ATP8A2: variants seen among roughly 807,000 people sequenced by gnomAD.
ATP8A2 encodes the protein phospholipid-transporting ATPase IB.
In ATP8A2, 100 loss-of-function variants were observed where a neutral mutation model predicts 165.6. That is an observed-to-expected ratio of 0.60 (90% confidence interval 0.51 to 0.71). The LOEUF (loss-of-function observed/expected upper bound fraction) is 0.71, where lower values mean the gene tolerates loss of function less well. Ranked by LOEUF, ATP8A2 falls within the 30% of genes least tolerant of loss-of-function variation. The pLI, the probability that ATP8A2 is intolerant of heterozygous loss-of-function variation, is 0.00. For missense variants in ATP8A2, 1,227 were observed against 1,479.5 expected, an observed-to-expected ratio of 0.83 and a Z score of 2.80; for synonymous variants, 543 against 548.8, an observed-to-expected ratio of 0.99 and a Z score of 0.15.
intron 23 of ATP8A2, among the ~76,000 whole-genome samples, chr13:25,586,166 GT>G (rs1399996914): frequency 1.3e-5 from 2 of 152,134 alleles, no homozygotes; most frequent in Non-Finnish European, 2.9e-5. Flanking sequence ...CTTAGTCTAG[GT>G]CATACAGATG....
intron 25 of ATP8A2, among the ~76,000 whole-genome samples, chr13:25,758,082 C>T (rs1386253626): frequency 6.6e-6 from 1 of 152,184 alleles, no homozygotes; most frequent in Non-Finnish European, 1.5e-5. Context: ...TGTTAATTTA[C>T]TCTTTACTGA....
intron 2 of ATP8A2, among the ~76,000 whole-genome samples, chr13:25,474,758 A>C (rs1478364892): frequency 6.6e-6 from 1 of 151,898 alleles, no homozygotes; most frequent in Non-Finnish European, 1.5e-5. Flanking sequence ...TTATATAGGT[A>C]AACTCATGTC....
chr13:25,449,085 C>G (rs892304031), intron 1 of ATP8A2, among the ~76,000 whole-genome samples: 1 of 152,094 alleles, frequency 6.6e-6, no homozygotes, highest in Non-Finnish European at 1.5e-5. Flanking sequence ...TTCAAAGAAC[C>G]AATTCTGACT....
intron 1 of ATP8A2, among the ~76,000 whole-genome samples, chr13:25,414,222 G>A (rs536861634): frequency 6.5e-5 from 9 of 137,510 alleles, no homozygotes; most frequent in South Asian, 4.6e-4. Context: ...TCAGAGTCTC[G>A]CTCTGTCGCC....
At chr13:25,690,370 G>T (rs6491084) in intron 24 of ATP8A2, among the ~76,000 whole-genome samples, 47,331 of 151,368 alleles carry the variant, frequency 0.31, 7,825 homozygotes, top group South Asian at 0.47. Context: ...GAAAACGTGG[G>T]TTTTTAAGAA....
chr13:25,790,769 A>T (rs2419339), intron 27 of ATP8A2, among the ~76,000 whole-genome samples: 85,356 of 151,880 alleles, frequency 0.56, 24,313 homozygotes, highest in East Asian at 0.69. Flanking sequence ...GCCAACAAGC[A>T]TACAAAATAA....
chr13:25,758,079 T>G (rs960542058), intron 25 of ATP8A2, among the ~76,000 whole-genome samples: 2 of 152,182 alleles, frequency 1.3e-5, no homozygotes, highest in African/African-American at 4.8e-5. Flanking sequence ...TCATGTTAAT[T>G]TACTCTTTAC....
intron 30 of ATP8A2, among the ~76,000 whole-genome samples, chr13:25,852,698 C>T (rs9507588): frequency 0.13 from 20,239 of 151,986 alleles, 1,603 homozygotes; most frequent in Non-Finnish European, 0.18. Flanking sequence ...GTTTCTTGGC[C>T]GGGTGCAGTG....
chr13:25,936,573 T>C (rs1954897163), intron 33 of ATP8A2, among the ~76,000 whole-genome samples: 1 of 152,236 alleles, frequency 6.6e-6, no homozygotes, highest in Non-Finnish European at 1.5e-5. Context: ...CCCACAAGTT[T>C]TCATCTGACT....
chr13:25,631,495 T>C (rs2041240158), intron 24 of ATP8A2, among the ~76,000 whole-genome samples: 1 of 152,178 alleles, frequency 6.6e-6, no homozygotes, highest in Non-Finnish European at 1.5e-5. Flanking sequence ...TGAAGTCATG[T>C]AAACTTTATG....
At chr13:25,502,767 C>T (rs1383418619) in intron 2 of ATP8A2, among the ~76,000 whole-genome samples, 3 of 152,164 alleles carry the variant, frequency 2.0e-5, no homozygotes, top group Non-Finnish European at 2.9e-5. Flanking sequence ...GGCTGTTGTA[C>T]TTGGCACTGC....
At chr13:25,470,172 A>G (rs2035804019) in intron 2 of ATP8A2, among the ~76,000 whole-genome samples, 1 of 152,214 alleles carries the variant, frequency 6.6e-6, no homozygotes, top group Non-Finnish European at 1.5e-5. Flanking sequence ...AGGCAGTTGG[A>G]CATTATTGGG....
chr13:25,684,632 G>A (rs184332895), intron 24 of ATP8A2, among the ~76,000 whole-genome samples: 1 of 152,230 alleles, frequency 6.6e-6, no homozygotes, highest in African/African-American at 2.4e-5. Context: ...GGTCGTTCAG[G>A]AGTCTCGGAT....
intron 27 of ATP8A2, among the ~76,000 whole-genome samples, chr13:25,783,846 C>T (rs916721472): frequency 1.3e-5 from 2 of 152,092 alleles, no homozygotes; most frequent in Non-Finnish European, 2.9e-5. Flanking sequence ...ATATTTCAGT[C>T]GGAAGATGGC....
intron 33 of ATP8A2, among the ~76,000 whole-genome samples, chr13:25,872,564 C>G (rs1046655280): frequency 6.6e-6 from 1 of 152,126 alleles, no homozygotes; most frequent in African/African-American, 2.4e-5. Context: ...TGTCCTTCCC[C>G]CAGCTTCTTT....
intron 33 of ATP8A2, among the ~76,000 whole-genome samples, chr13:25,898,180 A>G (rs1185269662): frequency 6.6e-6 from 1 of 152,038 alleles, no homozygotes; most frequent in East Asian, 1.9e-4. Flanking sequence ...GTCTTTGATG[A>G]TGGTGACCTA....
At chr13:25,844,299 C>T (rs1324152361) in intron 30 of ATP8A2, among the ~76,000 whole-genome samples, 2 of 151,926 alleles carry the variant, frequency 1.3e-5, no homozygotes, top group Admixed American at 6.6e-5. Context: ...AGCACGATCT[C>T]GGCTCACTGA....
chr13:25,719,617 A>G (rs1316030681), intron 25 of ATP8A2, among the ~76,000 whole-genome samples: 1 of 152,202 alleles, frequency 6.6e-6, no homozygotes, highest in East Asian at 1.9e-4. Context: ...GGTAGATTCA[A>G]TCATTTAACA....
intron 34 of ATP8A2, among the ~76,000 whole-genome samples, chr13:25,962,228 T>C (rs551615863): frequency 6.6e-6 from 1 of 152,304 alleles, no homozygotes; most frequent in South Asian, 2.1e-4. Flanking sequence ...GGATATGGCC[T>C]GGCTTCACTT....
Sources: allele counts gnomAD v4.1 joint callset (sites outside exome capture counted in the v4.1 genomes callset), GRCh38; gene constraint gnomAD v4.1.1; transcripts MANE v1.5; gene names NCBI Gene and HGNC (gene_info 2026-07-23, HGNC 2026-07-21).